TENM1: variants seen among roughly 807,000 people sequenced by gnomAD.
The protein encoded by TENM1 is teneurin-1.
A neutral mutation model predicts 174.8 loss-of-function variants in TENM1; 35 were observed. The observed-to-expected ratio is 0.20, with a 90% CI of 0.15 to 0.27. The LOEUF (loss-of-function observed/expected upper bound fraction) is 0.27. Among genes scored for constraint, TENM1 ranks in the 10% least tolerant of loss-of-function variants. The pLI, the probability that TENM1 is intolerant of heterozygous loss-of-function variation, is 1.00. For synonymous variants in TENM1, 781 were observed against 798.7 expected, an observed-to-expected ratio of 0.98 and a Z score of 0.37; for missense variants, 1,633 against 2,130.1, an observed-to-expected ratio of 0.77 and a Z score of 4.59.
intron 21 of TENM1, 76 bp downstream of exon 24, chrX:124,487,133 C>A: frequency 1.0e-6 from 1 of 996,437 alleles, no homozygotes; most frequent in South Asian, 2.2e-5. Flanking sequence ...GAAAAATTTC[C>A]CTATTAACAC....
intron 1 of TENM1, among the ~76,000 whole-genome samples, chrX:124,958,073 C>T (rs2058603920): frequency 9.0e-6 from 1 of 111,552 alleles, no homozygotes; most frequent in African/African-American, 3.3e-5. Flanking sequence ...AGGAAATCTT[C>T]CCCTGCTATT....
the TENM1 span, among the ~76,000 whole-genome samples, chrX:125,036,026 T>C: frequency 9.0e-6 from 1 of 111,518 alleles, no homozygotes; most frequent in African/African-American, 3.3e-5. Flanking sequence ...TGAATCATTA[T>C]TAAAATTCCA....
intron 3 of TENM1, among the ~76,000 whole-genome samples, chrX:124,740,093 A>G (rs942739880): frequency 3.6e-5 from 4 of 111,880 alleles, no homozygotes; most frequent in African/African-American, 1.3e-4. Context: ...CACACTACAG[A>G]TCTACTGTCT....
chrX:124,597,456 G>A (rs776999975), intron 11 of TENM1, among the ~76,000 whole-genome samples: 3 of 111,594 alleles, frequency 2.7e-5, no homozygotes, highest in Admixed American at 1.9e-4. Context: ...TCTCTTATAA[G>A]TGGGAGCTAA....
At chrX:124,935,776 T>G (rs1406378375) in intron 1 of TENM1, among the ~76,000 whole-genome samples, 1 of 112,482 alleles carries the variant, frequency 8.9e-6, no homozygotes, top group Non-Finnish European at 1.9e-5. Flanking sequence ...AATGAAAATA[T>G]TTAAAACAGA....
intron 4 of TENM1, among the ~76,000 whole-genome samples, chrX:124,722,606 C>G (rs1347817670): frequency 9.1e-6 from 1 of 110,262 alleles, no homozygotes; most frequent in African/African-American, 3.3e-5. Context: ...TTTGGAAGGC[C>G]GAAGCGGGCG....
At chrX:124,416,161 C>T (rs987985234) in intron 25 of TENM1, among the ~76,000 whole-genome samples, 2 of 111,530 alleles carry the variant, frequency 1.8e-5, no homozygotes, top group Non-Finnish European at 3.8e-5. Context: ...ACTTACAGTA[C>T]ATTTGCAATG....
chrX:124,951,752 T>C (rs1402007772), intron 1 of TENM1, among the ~76,000 whole-genome samples: 2 of 105,398 alleles, frequency 1.9e-5, no homozygotes, highest in Non-Finnish European at 3.9e-5. Context: ...AGTGCTGTTA[T>C]ACATTTAATA....
chrX:124,982,767 A>G, the TENM1 span, among the ~76,000 whole-genome samples: 943 of 112,040 alleles, frequency 8.4e-3, 9 homozygotes, highest in African/African-American at 0.029. Flanking sequence ...TTACATGCCA[A>G]TGACTCCTAC....
chrX:124,562,727 G>T (rs1375601410), intron 13 of TENM1, among the ~76,000 whole-genome samples: 1 of 112,905 alleles, frequency 8.9e-6, no homozygotes, highest in Non-Finnish European at 1.9e-5. Context: ...CACATGCGCA[G>T]TGGGCAGATG....
chrX:124,427,213 A>T (rs1282384275), intron 23 of TENM1, among the ~76,000 whole-genome samples: 3 of 112,254 alleles, frequency 2.7e-5, no homozygotes, highest in African/African-American at 9.7e-5. Context: ...GAGGCTGGGG[A>T]CAGCACACAC....
intron 3 of TENM1, among the ~76,000 whole-genome samples, chrX:124,783,948 T>A (rs1439444057): frequency 8.9e-6 from 1 of 112,397 alleles, no homozygotes; most frequent in East Asian, 2.8e-4. Flanking sequence ...TGACCTGGAA[T>A]CATGCATGTG....
At chrX:124,797,434 A>G (rs188615048) in intron 3 of TENM1, among the ~76,000 whole-genome samples, 49 of 111,697 alleles carry the variant, frequency 4.4e-4, no homozygotes, top group Non-Finnish European at 7.4e-4. Context: ...ATCCAGATAT[A>G]AAATTACTAT....
At chrX:125,070,998 A>G in the TENM1 span, among the ~76,000 whole-genome samples, 1 of 111,620 alleles carries the variant, frequency 9.0e-6, no homozygotes, top group Non-Finnish European at 1.9e-5. Flanking sequence ...AAGAAGATGG[A>G]TATATCCTCT....
intron 5 of TENM1, 95 bp from the exon 9 acceptor site, chrX:124,671,930 GTTTTC>G: frequency 1.0e-6 from 1 of 987,145 alleles, no homozygotes; most frequent in South Asian, 2.4e-5. Flanking sequence ...GTTACGAACA[GTTTTC>G]TTTTAGTTAG....
chrX:125,046,059 C>CAA, the TENM1 span, among the ~76,000 whole-genome samples: 2 of 110,015 alleles, frequency 1.8e-5, no homozygotes, highest in African/African-American at 6.6e-5. Context: ...AAAACAGAAA[C>CAA]AAAAAAATAT....
intron 6 of TENM1, among the ~76,000 whole-genome samples, chrX:124,657,833 C>T (rs16999357): frequency 0.011 from 1,193 of 111,933 alleles, 12 homozygotes; most frequent in African/African-American, 0.037. Flanking sequence ...GCAAGTTTCA[C>T]AAAGTATCTA....
intron 11 of TENM1, among the ~76,000 whole-genome samples, chrX:124,593,708 G>A (rs1365218770): frequency 1.8e-5 from 2 of 111,992 alleles, no homozygotes; most frequent in Non-Finnish European, 3.8e-5. Flanking sequence ...ATGACCTCAG[G>A]GGAGCAGGCT....
intron 18 of TENM1, among the ~76,000 whole-genome samples, chrX:124,509,387 T>C (rs2047527118): frequency 9.0e-6 from 1 of 110,939 alleles, no homozygotes; most frequent in Admixed American, 9.6e-5. Flanking sequence ...CAACCCTCCC[T>C]GTCCCTACCC....
Sources: allele counts gnomAD v4.1 joint callset (sites outside exome capture counted in the v4.1 genomes callset), GRCh38; gene constraint gnomAD v4.1.1; transcripts MANE v1.5; gene names NCBI Gene and HGNC (gene_info 2026-07-23, HGNC 2026-07-21).